The following PURG variants were observed in gnomAD, a reference collection of about 807,000 sequenced individuals.
PURG encodes purine-rich element-binding protein gamma.
PURG carries 3 observed loss-of-function variants against 24.3 expected under a neutral mutation model. That is an observed-to-expected ratio of 0.12 (90% CI 0.06 to 0.32). PURG has a LOEUF of 0.32. Ranked by LOEUF, PURG falls within the 10% of genes least tolerant of loss-of-function variation. The pLI is 1.00. For synonymous variants in PURG, 180 were observed against 173.1 expected (o/e 1.04, Z -0.31); for missense variants, 371 against 439.1 (o/e 0.84, Z 1.39).
At chr8:31,008,588 C>T (rs1486459587) in intron 1 of PURG, among the ~76,000 whole-genome samples, 1 of 152,228 alleles carries the variant, frequency 6.6e-6, no homozygotes, top group Non-Finnish European at 1.5e-5. Context: ...AGGCGTGAGC[C>T]ACTGCACCTG....
chr8:31,015,989 G>C (rs929016178), intron 1 of PURG, among the ~76,000 whole-genome samples: 2 of 152,138 alleles, frequency 1.3e-5, no homozygotes, highest in Non-Finnish European at 2.9e-5. Context: ...CCAAGTCGAG[G>C]CTGCAGTGAG....
intron 1 of PURG, among the ~76,000 whole-genome samples, chr8:31,006,521 A>AACAAAG (rs1300702206): frequency 6.6e-6 from 1 of 151,248 alleles, no homozygotes; most frequent in Non-Finnish European, 1.5e-5. Flanking sequence ...TCCGTCTCAA[A>AACAAAG]ACAAAAACAA....
chr8:31,032,129 T>C lies in PURG; in HGVS notation c.654A>G (p.Gln218=). 1 of 1,614,238 alleles carries C rather than the reference T, an allele frequency of 6.2e-7. No individual in the cohort carries two copies. The highest frequency in any genetic ancestry group is 1.1e-5 in the South Asian group (1 of 91,080). Residue 218 remains glutamine (Q), a synonymous_variant, in exon 2 of 2, where the codon CAA becomes CAG. Coordinates refer to ENST00000523392, the MANE Select transcript of PURG (RefSeq NM_001323311.2). This position sits in a 1 kb window ranked among gnomAD's most constrained non-coding sequence, Gnocchi z 5.9. The stretch of plus-strand genomic sequence containing the variant: ...GTGCTGGGAGGACAATAGTCTGTTC[T>C]TGGCCCAAACTGTGGCCAAAATAAC... ...MIGYFGHSLG[Q]EQTIVLPAQG...
downstream of PURG, among the ~76,000 whole-genome samples, chr8:31,027,418 A>G (rs1412498302): frequency 6.6e-6 from 1 of 151,784 alleles, no homozygotes; most frequent in East Asian, 1.9e-4. Context: ...AATTATTTTC[A>G]GAAAACCACT....
At chr8:31,003,134 G>A (rs1810571926) in intron 1 of PURG, among the ~76,000 whole-genome samples, 1 of 152,068 alleles carries the variant, frequency 6.6e-6, no homozygotes, top group South Asian at 2.1e-4. Flanking sequence ...CACTAAAGTA[G>A]GTCATGTGAA....
intron 1 of PURG, among the ~76,000 whole-genome samples, chr8:31,002,695 G>A (rs1810562209): frequency 6.6e-6 from 1 of 152,122 alleles, no homozygotes; most frequent in African/African-American, 2.4e-5. Flanking sequence ...CGTTGGCCGG[G>A]CTGGTCTCGA....
Position 31,003,035 on chromosome 8 carries a change from C to T in PURG, c.865-6338G>A, listed in dbSNP as rs112403785. Among the ~76,000 whole-genome samples, 345 of 152,250 alleles carry T rather than the reference C, an allele frequency of 2.3e-3. 1 individual carries two copies. The highest frequency in any genetic ancestry group is 7.6e-3 in the African/African-American group (315 of 41,548). The stretch of plus-strand genomic sequence containing the variant: ...CTTAGTATGACAGCACTGTGAGTTG[C>T]CCTTCTGGGTTAAATTATACCAACA... On this transcript the variant is annotated intron_variant, in intron 1 of 1. Coordinates refer to the PURG transcript ENST00000339382.
At chr8:31,019,198 T>G (rs895173368) in intron 1 of PURG, among the ~76,000 whole-genome samples, 1 of 131,874 alleles carries the variant, frequency 7.6e-6, no homozygotes, top group African/African-American at 2.9e-5. Flanking sequence ...TATATATGGC[T>G]TTAATTTTGA....
chr8:31,016,606 A>AAAAAAAAAAAAC, intron 1 of PURG, among the ~76,000 whole-genome samples: 1 of 147,864 alleles, frequency 6.8e-6, no homozygotes, highest in Non-Finnish European at 1.5e-5. Flanking sequence ...AAAAAAAAAA[A>AAAAAAAAAAAAC]AAAGAAAGAA....
rs113237104 is a variant in PURG, at chr8:31,008,584, G to A, written c.865-11887C>T. Among the ~76,000 whole-genome samples the A allele has an allele frequency of 3.3e-5, 5 of 152,354 alleles. 1 individual carries two copies. Among genetic ancestry groups the A allele is most frequent in the African/African-American group, 1.2e-4 (5 of 41,586 alleles). On this transcript the variant is annotated intron_variant, in intron 1 of 1. Coordinates refer to the PURG transcript ENST00000339382. The stretch of plus-strand genomic sequence containing the variant: ...CCCAAAGTGCTGGGATTACAGGCGT[G>A]AGCCACTGCACCTGGTTGCATTTAA...
At chr8:31,027,569 T>C (rs554004964), downstream of PURG, among the ~76,000 whole-genome samples, 3 of 151,828 alleles carry the variant, frequency 2.0e-5, no homozygotes, top group Admixed American at 1.3e-4. Context: ...TCCAGTTTCA[T>C]CCTCTTCAAA....
chr8:31,024,956 T>C (rs1299988206), intron 1 of PURG, among the ~76,000 whole-genome samples: 5 of 151,832 alleles, frequency 3.3e-5, no homozygotes, highest in Non-Finnish European at 7.4e-5. Context: ...TTTAAGAGGG[T>C]AAAATGTGAA....
chr8:31,019,952 C>G (rs1032287204), intron 1 of PURG, among the ~76,000 whole-genome samples: 1 of 151,936 alleles, frequency 6.6e-6, no homozygotes, highest in Non-Finnish European at 1.5e-5. Context: ...GGGTGGATCA[C>G]CTGAGGTCAG....
At position 31,032,455 on chromosome 8, in the gene PURG, A is replaced by T. The variant is rs1239920569; in HGVS notation, c.328T>A (p.Ser110Thr). 1 of 1,614,196 alleles carries T rather than the reference A, an allele frequency of 6.2e-7. No individual in the cohort carries two copies. The highest frequency in any genetic ancestry group is 8.5e-7 in the Non-Finnish European group (1 of 1,180,040). The part of the protein sequence containing the change: ...IRKSKLTLSL[S>T]VAAELKDCLG... ...CAGTCCTTCAGCTCCGCTGCCACAG[A>T]CAGGGAGAGGGTCAGTTTACTCTTT... Residue 110 changes from serine (S) to threonine (T), a missense_variant, in exon 2 of 2, where the codon TCT becomes ACT. Physicochemically the swap from Ser to Thr is moderately conservative, Grantham distance 58 (BLOSUM62 1). Transcript: ENST00000523392. This position sits in a 1 kb window ranked among gnomAD's most constrained non-coding sequence, Gnocchi z 5.9.
At chr8:31,011,831 T>C (rs1810769886) in intron 1 of PURG, among the ~76,000 whole-genome samples, 1 of 152,168 alleles carries the variant, frequency 6.6e-6, no homozygotes, top group Non-Finnish European at 1.5e-5. Flanking sequence ...GTCCATTGAA[T>C]GAGTAGAGGA....
At chr8:31,001,684 A>G (rs1810539630) in intron 1 of PURG, among the ~76,000 whole-genome samples, 1 of 152,224 alleles carries the variant, frequency 6.6e-6, no homozygotes, top group Non-Finnish European at 1.5e-5. Context: ...AACAGAACAA[A>G]GAACTTCACT....
In PURG at chr8:31,015,514, G is replaced by C. The variant is rs117558619; in HGVS notation, c.864+16405C>G. On this transcript the variant is annotated intron_variant, in intron 1 of 1. Transcript: ENST00000339382. ...GAGAAATGTCATTTGAGACGTAAAG[G>C]GTCAACTTTTGAGACTGAAAGACCA... is the stretch of plus-strand genomic sequence containing the variant. 9.2e-5 allele frequency among the ~76,000 whole-genome samples: 14 copies of C among 152,096 alleles called. No individual in the cohort carries two copies. The East Asian group carries it at 2.3e-3, about 25-fold the overall frequency.
intron 1 of PURG, among the ~76,000 whole-genome samples, chr8:31,006,468 C>T (rs1214898922): frequency 1.3e-5 from 2 of 152,080 alleles, no homozygotes; most frequent in African/African-American, 4.8e-5. Flanking sequence ...GTGGTGGGCG[C>T]CTGTGGTCCC....
At chr8:31,023,428 A>G (rs1811034805) in intron 1 of PURG, among the ~76,000 whole-genome samples, 5 of 151,780 alleles carry the variant, frequency 3.3e-5, no homozygotes. Context: ...GAAACATGTC[A>G]CTCTTTTTTA....
Sources: gnomAD v4.1 joint callset for allele counts (sites outside exome capture counted in the v4.1 genomes callset) on GRCh38, gnomAD v4.1.1 for gene constraint, Gnocchi (gnomAD v3.1) non-coding constraint, MANE v1.5 for transcripts, NCBI Gene and HGNC (gene_info 2026-07-23, HGNC 2026-07-21) for gene names.